The following RASA2 variants were observed in gnomAD, a reference collection of about 807,000 sequenced individuals.
RASA2 encodes the protein ras GTPase-activating protein 2.
In RASA2, 155 loss-of-function variants were observed where a neutral mutation model predicts 118.2. The ratio of observed to expected loss-of-function variants is 1.31; its 90% CI spans 1.15 to 1.50. The LOEUF is 1.50. Ranked by LOEUF, RASA2 falls within the 40% of genes most tolerant of loss-of-function variation. RASA2 has a pLI of 0.00. For synonymous variants in RASA2, 353 were observed against 349.1 expected, an observed-to-expected ratio of 1.01 and a Z score of -0.12; for missense variants, 1,016 against 1,009.6, an observed-to-expected ratio of 1.01 and a Z score of -0.09.
chr3:141,514,142 C>T (rs1432786677), intron 2 of RASA2, among the ~76,000 whole-genome samples: 1 of 152,058 alleles, frequency 6.6e-6, no homozygotes, highest in Non-Finnish European at 1.5e-5. Context: ...GCAAGCCACA[C>T]CTGGGAGAAA....
chr3:141,548,710 A>G (rs144822765), intron 5 of RASA2, among the ~76,000 whole-genome samples: 7 of 152,258 alleles, frequency 4.6e-5, no homozygotes, highest in Non-Finnish European at 8.8e-5. Context: ...AGTAGTTACT[A>G]TTATCCTCCA....
intron 17 of RASA2, among the ~76,000 whole-genome samples, chr3:141,584,185 G>C (rs1450042476): frequency 4.6e-5 from 7 of 151,992 alleles, no homozygotes; most frequent in South Asian, 4.2e-4. Flanking sequence ...ACAAAAATTA[G>C]CCGGGCATGG....
chr3:141,562,785 G>T (rs1302413537), intron 9 of RASA2, among the ~76,000 whole-genome samples: 1 of 151,726 alleles, frequency 6.6e-6, no homozygotes, highest in African/African-American at 2.4e-5. Context: ...CCATTCTCCT[G>T]CCTCAGCCTC....
At chr3:141,587,018 T>C (rs751907265) in intron 19 of RASA2, 2 of 455,536 alleles carry the variant, frequency 4.4e-6, no homozygotes, top group Non-Finnish European at 4.0e-6. Context: ...TAATCCATAC[T>C]GTTATTTATC....
At chr3:141,514,414 G>A (rs941425239) in intron 2 of RASA2, among the ~76,000 whole-genome samples, 4 of 152,184 alleles carry the variant, frequency 2.6e-5, no homozygotes, top group African/African-American at 9.7e-5. Flanking sequence ...TAAGAATATG[G>A]TGGGAGTGAT....
intron 5 of RASA2, among the ~76,000 whole-genome samples, chr3:141,543,037 A>G (rs2082428756): frequency 6.6e-6 from 1 of 151,942 alleles, no homozygotes; most frequent in African/African-American, 2.4e-5. Context: ...TTTTTAATGT[A>G]ATTATTGAAT....
chr3:141,497,677 C>A lies in RASA2; in HGVS notation c.133+10461C>A, dbSNP rs146801476. Among the ~76,000 whole-genome samples the A allele has an allele frequency of 7.4e-3, 1,079 of 146,770 alleles. 15 individuals are homozygous for A. The highest frequency in any genetic ancestry group is 0.026 in the African/African-American group (1,033 of 39,816). On this transcript the variant is annotated intron_variant, in intron 1 of 23. Coordinates refer to ENST00000286364, the MANE Select transcript of RASA2 (RefSeq NM_006506.5). ...AGGAGTTTGAGACCAGCCTGGGCCA[C>A]ATGGCAAAACTCCGTTTCTACAAAC...
intron 1 of RASA2, among the ~76,000 whole-genome samples, chr3:141,509,836 T>C (rs2081923661): frequency 6.6e-6 from 1 of 152,210 alleles, no homozygotes; most frequent in Admixed American, 6.5e-5. Flanking sequence ...ATTATTTGTC[T>C]TAGTGACCTG....
intron 9 of RASA2, among the ~76,000 whole-genome samples, chr3:141,570,107 A>G (rs1577755530): frequency 1.4e-5 from 2 of 144,226 alleles, no homozygotes; most frequent in South Asian, 4.3e-4. Context: ...TTTTTTTTAA[A>G]CTCTTAGATT....
At chr3:141,518,256 G>A (rs1041064219) in intron 3 of RASA2, among the ~76,000 whole-genome samples, 37 of 151,398 alleles carry the variant, frequency 2.4e-4, no homozygotes, top group Admixed American at 1.6e-3. Context: ...GGAGGCCGAG[G>A]TGGGCAGATC....
intron 1 of RASA2, among the ~76,000 whole-genome samples, chr3:141,488,184 G>T (rs1408564246): frequency 6.6e-6 from 1 of 151,940 alleles, no homozygotes; most frequent in Admixed American, 6.6e-5. Context: ...TTTCACAGTG[G>T]TTTATTTAGA....
chr3:141,562,540 G>A (rs1442330198), intron 9 of RASA2, among the ~76,000 whole-genome samples: 5 of 118,194 alleles, frequency 4.2e-5, no homozygotes, highest in Non-Finnish European at 5.2e-5. Flanking sequence ...GAGAAATTGC[G>A]TGCACCTGGG....
chr3:141,596,401 A>G lies in RASA2; in HGVS notation c.1933+9649A>G, dbSNP rs547677021. Among the ~76,000 whole-genome samples the G allele has an allele frequency of 1.4e-3, 212 of 152,352 alleles. 1 individual carries two copies. The highest frequency in any genetic ancestry group is 3.3e-3 in the South Asian group (16 of 4,832). On this transcript the variant is annotated intron_variant, in intron 19 of 23. Coordinates refer to ENST00000286364, the MANE Select transcript of RASA2 (RefSeq NM_006506.5). Reference sequence around the variant, plus strand: ...GAAATTGATTGTTATTAACAAGTAAAGAAAATCTTTGAGCCTTTATAGGTT... The same window carrying G: ...GAAATTGATTGTTATTAACAAGTAAGGAAAATCTTTGAGCCTTTATAGGTT...
At chr3:141,573,037 T>C (rs1330515246) in intron 12 of RASA2, 110 bp from the exon 13 acceptor site, 1 of 980,906 alleles carries the variant, frequency 1.0e-6, no homozygotes, top group Non-Finnish European at 1.5e-6. Flanking sequence ...TTTTACGCTT[T>C]GCTACAGTTT....
intron 4 of RASA2, among the ~76,000 whole-genome samples, chr3:141,532,000 A>T (rs1003387283): frequency 2.6e-5 from 4 of 152,126 alleles, no homozygotes; most frequent in African/African-American, 9.6e-5. Flanking sequence ...TAATAGGGAA[A>T]TAGGTGAAAG....
rs192305782 is a variant in RASA2 at position 141,612,684 on chromosome 3, G to A, written c.*371G>A. 5 of 182,354 alleles carry A rather than the reference G, an allele frequency of 2.7e-5. No homozygotes were observed. The East Asian group carries it at 8.1e-4, about 29-fold the overall frequency. 11.3% of individuals were successfully genotyped at this position (182,354 alleles called of 1,614,324 possible). ...TGGACTTGTTTTCACTACCATCAGTGCCTGCTCTATACTGCCAACATTGTG... is the reference window on the plus strand; with the variant it reads ...TGGACTTGTTTTCACTACCATCAGTACCTGCTCTATACTGCCAACATTGTG... On this transcript the variant is annotated 3_prime_UTR_variant, in exon 24 of 24. Coordinates refer to ENST00000286364, the MANE Select transcript of RASA2 (RefSeq NM_006506.5).
chr3:141,555,771 G>T, intron 6 of RASA2, 69 bp from the exon 7 acceptor site: 1 of 1,332,330 alleles, frequency 7.5e-7, no homozygotes, highest in South Asian at 1.3e-5. Flanking sequence ...CTCCCTGGTT[G>T]GAAATAGCAT....
At chr3:141,545,895 C>T (rs746331011) in intron 5 of RASA2, among the ~76,000 whole-genome samples, 53 of 152,082 alleles carry the variant, frequency 3.5e-4, no homozygotes, top group Non-Finnish European at 5.7e-4. Context: ...TTGTTCTACT[C>T]TCTGTTATCA....
At chr3:141,538,731 A>G (rs570816657) in intron 4 of RASA2, among the ~76,000 whole-genome samples, 11 of 152,082 alleles carry the variant, frequency 7.2e-5, no homozygotes, top group Non-Finnish European at 1.5e-4. Context: ...TGGTTAATAT[A>G]TAATTGTGTT....
Sources: gnomAD v4.1 joint callset for allele counts (sites outside exome capture counted in the v4.1 genomes callset) on GRCh38, gnomAD v4.1.1 for gene constraint, MANE v1.5 for transcripts, NCBI Gene and HGNC (gene_info 2026-07-23, HGNC 2026-07-21) for gene names.